ETV6: variants seen among roughly 807,000 people sequenced by gnomAD.
The protein encoded by ETV6 is ETS variant transcription factor 6.
In ETV6, 16 loss-of-function variants were observed where a neutral mutation model predicts 51.1. The ratio of observed to expected loss-of-function variants is 0.31; its 90% CI spans 0.21 to 0.48. ETV6 has a LOEUF of 0.48. ETV6 is among the 20% of genes least tolerant of loss of function. ETV6 has a pLI of 0.99. For synonymous variants in ETV6, 240 were observed against 224.1 expected (o/e 1.07, Z -0.64); for missense variants, 458 against 594.8 (o/e 0.77, Z 2.39).
intron 1 of ETV6, among the ~76,000 whole-genome samples, chr12:11,676,739 C>G (rs1325907111): frequency 6.6e-6 from 1 of 152,206 alleles, no homozygotes; most frequent in Non-Finnish European, 1.5e-5. Flanking sequence ...CCCACGAGAT[C>G]AGAGCCCATC....
At chr12:11,680,325 T>C (rs1213410657) in intron 1 of ETV6, among the ~76,000 whole-genome samples, 1 of 152,220 alleles carries the variant, frequency 6.6e-6, no homozygotes, top group Non-Finnish European at 1.5e-5. Context: ...TGTACCCATG[T>C]ATGTTATTTA....
chr12:11,685,965 C>T (rs1321801340), intron 1 of ETV6, among the ~76,000 whole-genome samples: 1 of 152,204 alleles, frequency 6.6e-6, no homozygotes, highest in Non-Finnish European at 1.5e-5. Flanking sequence ...TTTGTTGATT[C>T]ACATATTTTC....
At chr12:11,885,592 C>G (rs1947171519) in intron 6 of ETV6, among the ~76,000 whole-genome samples, 1 of 152,176 alleles carries the variant, frequency 6.6e-6, no homozygotes, top group African/African-American at 2.4e-5. Flanking sequence ...GGGGAACCTG[C>G]AGGAAATTCC....
intron 2 of ETV6, among the ~76,000 whole-genome samples, chr12:11,821,142 C>G (rs1306782758): frequency 1.3e-5 from 2 of 150,432 alleles, no homozygotes; most frequent in Non-Finnish European, 3.0e-5. Context: ...GTGGGCGGAT[C>G]ACAAAGTCAG....
chr12:11,791,302 T>G (rs1009180888), intron 2 of ETV6, among the ~76,000 whole-genome samples: 4 of 152,182 alleles, frequency 2.6e-5, no homozygotes, highest in Non-Finnish European at 5.9e-5. Context: ...ACTGTTACTT[T>G]AGAGGATTTG....
At chr12:11,770,368 C>G (rs1220326427) in intron 2 of ETV6, among the ~76,000 whole-genome samples, 1 of 151,862 alleles carries the variant, frequency 6.6e-6, no homozygotes, top group Non-Finnish European at 1.5e-5. Flanking sequence ...CCTTCACTTA[C>G]CTCACGCTTA....
intron 2 of ETV6, among the ~76,000 whole-genome samples, chr12:11,762,125 T>G (rs1051512479): frequency 2.0e-5 from 3 of 152,202 alleles, no homozygotes; most frequent in Admixed American, 6.5e-5. Context: ...TTTTGTGGGA[T>G]GAGAACTGGT....
intron 1 of ETV6, among the ~76,000 whole-genome samples, chr12:11,675,253 G>A (rs967950804): frequency 4.6e-5 from 7 of 152,156 alleles, no homozygotes; most frequent in Non-Finnish European, 8.8e-5. Flanking sequence ...ATTCTTTGAA[G>A]ACCTTGTAGA....
rs35812814 is a variant in ETV6 at position 11,892,210 on chromosome 12, A to ATTTTTTTTTTTTTTTTTTT, written c.*1169_*1187dup. 16 of 153,576 alleles carry ATTTTTTTTTTTTTTTTTTT rather than the reference A, an allele frequency of 1.0e-4. 2 individuals carry two copies. Among genetic ancestry groups the ATTTTTTTTTTTTTTTTTTT allele is most frequent in the African/African-American group, 6.1e-4 (15 of 24,394 alleles). The allele number at this position is 153,576 out of a possible 1,614,324, so 9.5% of individuals were successfully genotyped here. ...GTGGTCAGTTTCATGCCCTCACCTGATTTTTTTTTTTTTTTTTTTTTTTCA... is the reference window on the plus strand; with the variant it reads ...GTGGTCAGTTTCATGCCCTCACCTGATTTTTTTTTTTTTTTTTTTTTTTTTTTTTTTTTTTTTTTTTTCA... On this transcript the variant is annotated 3_prime_UTR_variant, in exon 8 of 8. Coordinates refer to ENST00000396373, the MANE Select transcript of ETV6 (RefSeq NM_001987.5).
chr12:11,845,951 C>T (rs1255133773), intron 3 of ETV6, among the ~76,000 whole-genome samples: 1 of 148,628 alleles, frequency 6.7e-6, no homozygotes, highest in Non-Finnish European at 1.5e-5. Flanking sequence ...GAGATCACGC[C>T]ATTGCTCTCC....
chr12:11,836,397 T>A (rs1199317904), intron 2 of ETV6, among the ~76,000 whole-genome samples: 1 of 152,188 alleles, frequency 6.6e-6, no homozygotes, highest in Non-Finnish European at 1.5e-5. Context: ...AAGATCACTT[T>A]TGTATGACTG....
At chr12:11,696,583 C>T (rs71455402) in intron 1 of ETV6, among the ~76,000 whole-genome samples, 4,895 of 152,168 alleles carry the variant, frequency 0.032, 94 homozygotes, top group East Asian at 0.12. Context: ...TTTGAGAAGC[C>T]GAGGCAAGAG....
chr12:11,676,093 T>C (rs1421050648), intron 1 of ETV6, among the ~76,000 whole-genome samples: 1 of 152,236 alleles, frequency 6.6e-6, no homozygotes, highest in African/African-American at 2.4e-5. Flanking sequence ...TGCTTGTTCA[T>C]GTCACTTTCT....
At chr12:11,858,554 T>C in intron 4 of ETV6, among the ~76,000 whole-genome samples, 1 of 152,176 alleles carries the variant, frequency 6.6e-6, no homozygotes, top group East Asian at 1.9e-4. Context: ...TGGGACTGGA[T>C]ATGCAGTCTG....
intron 2 of ETV6, among the ~76,000 whole-genome samples, chr12:11,807,738 C>T (rs1484656896): frequency 6.6e-6 from 1 of 152,120 alleles, no homozygotes; most frequent in African/African-American, 2.4e-5. Context: ...TTCAATGAAA[C>T]AGGATGCACC....
At chr12:11,784,198 G>T (rs1945448863) in intron 2 of ETV6, among the ~76,000 whole-genome samples, 1 of 152,208 alleles carries the variant, frequency 6.6e-6, no homozygotes, top group African/African-American at 2.4e-5. Context: ...GGGAGGCCAA[G>T]GTGGGCGGAT....
chr12:11,737,265 G>C (rs917062812), intron 1 of ETV6, among the ~76,000 whole-genome samples: 1 of 152,210 alleles, frequency 6.6e-6, no homozygotes, highest in African/African-American at 2.4e-5. Context: ...GTCAGGACAG[G>C]GAGTCCTGAA....
At chr12:11,663,446 G>A (rs918402160) in intron 1 of ETV6, among the ~76,000 whole-genome samples, 6 of 152,140 alleles carry the variant, frequency 3.9e-5, no homozygotes, top group African/African-American at 1.4e-4. Context: ...TTGCATATAT[G>A]CCACATGTAT....
At chr12:11,878,755 C>T (rs1188648529) in intron 5 of ETV6, among the ~76,000 whole-genome samples, 5 of 151,164 alleles carry the variant, frequency 3.3e-5, no homozygotes, top group East Asian at 1.9e-4. Context: ...TATCAACACA[C>T]ACCTGGCTGC....
Sources: gnomAD v4.1 joint callset for allele counts (sites outside exome capture counted in the v4.1 genomes callset) on GRCh38, gnomAD v4.1.1 for gene constraint, MANE v1.5 for transcripts, NCBI Gene and HGNC (gene_info 2026-07-23, HGNC 2026-07-21) for gene names.